The following UBAC2 variants were observed in gnomAD, a reference collection of about 807,000 sequenced individuals.
UBAC2 encodes ubiquitin-associated domain-containing protein 2.
In UBAC2, 26 loss-of-function variants were observed where a neutral mutation model predicts 44.0. The observed-to-expected ratio is 0.59, with a 90% CI of 0.43 to 0.82. UBAC2 has a LOEUF of 0.82. Ranked by LOEUF, UBAC2 falls within the 40% of genes least tolerant of loss-of-function variation. UBAC2 has a pLI of 0.00. For missense variants in UBAC2, 329 were observed against 419.4 expected (o/e 0.78, Z 1.88); for synonymous variants, 155 against 154.3 (o/e 1.00, Z -0.04).
chr13:99,382,583 G>A (rs2045565536), intron 8 of UBAC2, among the ~76,000 whole-genome samples: 1 of 152,174 alleles, frequency 6.6e-6, no homozygotes, highest in Non-Finnish European at 1.5e-5. Flanking sequence ...GTTCTGAGAC[G>A]GTGTGCACAA....
At chr13:99,335,497 T>G (rs543743913) in intron 6 of UBAC2, among the ~76,000 whole-genome samples, 2 of 152,134 alleles carry the variant, frequency 1.3e-5, no homozygotes, top group Admixed American at 1.3e-4. Flanking sequence ...CAGCAAAGAC[T>G]GCTTTCTGTG....
At chr13:99,231,058 G>A (rs925263822) in intron 1 of UBAC2, among the ~76,000 whole-genome samples, 5 of 150,830 alleles carry the variant, frequency 3.3e-5, no homozygotes, top group Non-Finnish European at 7.4e-5. Context: ...AAAAAAAAAA[G>A]GACTCTTGTG....
intron 4 of UBAC2, among the ~76,000 whole-genome samples, chr13:99,270,743 C>A (rs79237042): frequency 2.6e-5 from 4 of 152,032 alleles, no homozygotes; most frequent in African/African-American, 9.7e-5. Flanking sequence ...CAGTACATTG[C>A]GTACTTTTAT....
chr13:99,291,373 G>T (rs1022784987), intron 4 of UBAC2, among the ~76,000 whole-genome samples: 13 of 152,084 alleles, frequency 8.5e-5, no homozygotes, highest in Non-Finnish European at 1.9e-4. Context: ...CAAAATAATG[G>T]CCTTGTCACC....
At position 99,310,233 on chromosome 13, in the gene UBAC2, G is replaced by A. The variant is rs76868633; in HGVS notation, c.390-3864G>A. ...TCCCTGTTACTCTGGAGGCTGAGGC[G>A]AGAAGATTGCTTGAGCCTAGGAATT... On this transcript the variant is annotated intron_variant, in intron 4 of 8. Coordinates refer to ENST00000403766, the MANE Select transcript of UBAC2 (RefSeq NM_001144072.2). Among the ~76,000 whole-genome samples the A allele has an allele frequency of 5.0e-4, 76 of 152,290 alleles. 1 individual carries two copies. In the East Asian group the frequency reaches 0.013, roughly 26 times the overall value.
At chr13:99,355,997 C>G (rs2042774743) in intron 7 of UBAC2, 1 of 386,722 alleles carries the variant, frequency 2.6e-6, no homozygotes, top group African/African-American at 2.0e-5. Flanking sequence ...TTTGCAGCTG[C>G]TGTTGAAACC....
chr13:99,368,491 T>C (rs565324725), intron 8 of UBAC2, among the ~76,000 whole-genome samples: 4 of 152,190 alleles, frequency 2.6e-5, no homozygotes, highest in Non-Finnish European at 5.9e-5. Context: ...AAACATTTCT[T>C]CAAGGTTTAG....
intron 4 of UBAC2, among the ~76,000 whole-genome samples, chr13:99,278,578 T>C (rs181621941): frequency 8.3e-4 from 127 of 152,278 alleles, no homozygotes; most frequent in Non-Finnish European, 7.9e-4. Context: ...AAATGATCAG[T>C]GTCTTTAAAA....
chr13:99,266,280 A>G lies in UBAC2; in HGVS notation c.389+21656A>G, dbSNP rs530563122. Among the ~76,000 whole-genome samples the G allele has an allele frequency of 3.7e-3, 570 of 152,168 alleles. 6 individuals are homozygous for G. The highest frequency in any genetic ancestry group is 0.011 in the South Asian group (51 of 4,822). On this transcript the variant is annotated intron_variant, in intron 4 of 8. Coordinates refer to ENST00000403766, the MANE Select transcript of UBAC2 (RefSeq NM_001144072.2). Reference sequence around the variant, plus strand: ...GTATTCCTCTAAAACAAGGTGGCCAATCTTCTGGCTTCCCTTGGCCACATT... The same window carrying G: ...GTATTCCTCTAAAACAAGGTGGCCAGTCTTCTGGCTTCCCTTGGCCACATT...
intron 4 of UBAC2, among the ~76,000 whole-genome samples, chr13:99,299,978 A>G (rs536833596): frequency 3.3e-5 from 5 of 152,352 alleles, no homozygotes; most frequent in African/African-American, 1.2e-4. Flanking sequence ...TCCTTAGCAC[A>G]GGCAGCTGTT....
rs560332187 is a variant in UBAC2, at chr13:99,291,835, T to C, written c.390-22262T>C. Among the ~76,000 whole-genome samples, 40 of 152,354 alleles carry C rather than the reference T, an allele frequency of 2.6e-4. No individual in the cohort carries two copies. In the South Asian group the frequency reaches 5.6e-3, roughly 21 times the overall value. ...ATATTTCAGTAGGGCTTTAGAATTT[T>C]ATTAGTAATAATACAAAACATACGT... On this transcript the variant is annotated intron_variant, in intron 4 of 8. Coordinates refer to ENST00000403766, the MANE Select transcript of UBAC2 (RefSeq NM_001144072.2).
intron 4 of UBAC2, among the ~76,000 whole-genome samples, chr13:99,264,931 A>G (rs2043720929): frequency 6.7e-6 from 1 of 149,036 alleles, no homozygotes; most frequent in Admixed American, 6.6e-5. Flanking sequence ...CAGTCCCCTG[A>G]TGGGGTCACA....
intron 4 of UBAC2, chr13:99,255,620 C>G (rs1243627012): frequency 1.2e-6 from 2 of 1,614,002 alleles, no homozygotes; most frequent in African/African-American, 1.3e-5. Flanking sequence ...GGCCATTCAT[C>G]TTTTGCATAA....
intron 7 of UBAC2, among the ~76,000 whole-genome samples, chr13:99,345,693 C>T (rs1475733151): frequency 1.3e-5 from 2 of 151,982 alleles, no homozygotes; most frequent in Non-Finnish European, 2.9e-5. Context: ...TACATCTCCA[C>T]TTCACTGTCC....
intron 8 of UBAC2, among the ~76,000 whole-genome samples, chr13:99,379,322 A>T (rs2045521211): frequency 6.6e-6 from 1 of 152,236 alleles, no homozygotes; most frequent in African/African-American, 2.4e-5. Flanking sequence ...CAAAACAGTG[A>T]TGTTCCATCA....
At chr13:99,312,441 T>A (rs2044424369) in intron 4 of UBAC2, among the ~76,000 whole-genome samples, 1 of 152,240 alleles carries the variant, frequency 6.6e-6, no homozygotes, top group African/African-American at 2.4e-5. Flanking sequence ...CTCATTCATA[T>A]TACCTGCCTA....
rs1593982824 is a variant in UBAC2, at chr13:99,200,857, C to T, written c.-52C>T. The T allele has an allele frequency of 7.9e-7, 1 of 1,270,854 alleles. No individual in the cohort carries two copies. The allele number at this position is 1,270,854 out of a possible 1,614,324, so 78.7% of individuals were successfully genotyped here. ...GCCTGCGCGGTCGCTGGGGCTCGCA[C>T]TTCAGCTTCCCCTCCCCCGGCGCCC... On this transcript the variant is annotated 5_prime_UTR_variant, in exon 1 of 9. Coordinates refer to ENST00000403766, the MANE Select transcript of UBAC2 (RefSeq NM_001144072.2).
intron 4 of UBAC2, among the ~76,000 whole-genome samples, chr13:99,273,567 G>A (rs1023573150): frequency 4.6e-5 from 7 of 152,052 alleles, no homozygotes; most frequent in African/African-American, 1.4e-4. Flanking sequence ...CTCTTGGTAG[G>A]TACCTACCTC....
intron 4 of UBAC2, among the ~76,000 whole-genome samples, chr13:99,260,609 T>C (rs746814333): frequency 6.6e-6 from 1 of 152,200 alleles, no homozygotes; most frequent in Non-Finnish European, 1.5e-5. Context: ...CAGGGAATTA[T>C]AGTGAAAAGA....
Sources: allele counts gnomAD v4.1 joint callset (sites outside exome capture counted in the v4.1 genomes callset), GRCh38; gene constraint gnomAD v4.1.1; transcripts MANE v1.5; gene names NCBI Gene and HGNC (gene_info 2026-07-23, HGNC 2026-07-21).